KLHDC3: variants seen among roughly 807,000 people sequenced by gnomAD.
KLHDC3 encodes kelch domain containing 3, also known as kelch domain-containing protein 3.
In KLHDC3, 5 loss-of-function variants were observed where a neutral mutation model predicts 44.1. The ratio of observed to expected loss-of-function variants is 0.11; its 90% CI spans 0.06 to 0.24. The LOEUF (loss-of-function observed/expected upper bound fraction) is 0.24, where lower values mean the gene tolerates loss of function less well. Ranked by LOEUF, KLHDC3 falls within the 10% of genes least tolerant of loss-of-function variation. KLHDC3 has a pLI of 1.00. For synonymous variants in KLHDC3, 170 were observed against 189.0 expected, an observed-to-expected ratio of 0.90 and a Z score of 0.82; for missense variants, 247 against 514.3, an observed-to-expected ratio of 0.48 and a Z score of 5.03.
intron 1 of KLHDC3, among the ~76,000 whole-genome samples, chr6:43,015,710 C>T (rs1299094938): frequency 6.6e-6 from 1 of 151,896 alleles, no homozygotes; most frequent in Non-Finnish European, 1.5e-5. Flanking sequence ...ATTAGCTGGG[C>T]ATGGTGGCAG....
rs557437789 is a variant in KLHDC3 at position 43,021,110 on chromosome 6, C to T, written c.*377C>T. 4.2e-6 allele frequency: 2 copies of T among 475,612 alleles called. No individual in the cohort carries two copies. The highest frequency in any genetic ancestry group is 8.3e-6 in the Non-Finnish European group (2 of 240,018). The allele number at this position is 475,612 out of a possible 1,614,324, so 29.5% of individuals were successfully genotyped here. A position where few individuals can be genotyped will look rare whatever the true frequency, so the allele number is the denominator to read the frequency against. On this transcript the variant is annotated 3_prime_UTR_variant, in exon 11 of 11. Transcript: ENST00000326974. The stretch of plus-strand genomic sequence containing the variant: ...CCCTCCCCCTTTGCCTATCCCCTCC[C>T]CTCTGCTTGAGCCTTGAGCCTTGAC...
Position 43,018,207 on chromosome 6 carries a change from C to T in KLHDC3, c.510C>T (p.Ile170=). 1 of 1,608,386 alleles carries T rather than the reference C, an allele frequency of 6.2e-7. No homozygotes were observed. Among genetic ancestry groups the T allele is most frequent in the Non-Finnish European group, 8.5e-7 (1 of 1,174,910 alleles). The part of the protein sequence containing the change: ...LDTSTMTWTL[I]CTKGSPARWR... ...CCAGCACCATGACATGGACTCTTATCTGTACAAAGGTCTGCTCTTTCTTTT... is the reference window on the plus strand; with the variant it reads ...CCAGCACCATGACATGGACTCTTATTTGTACAAAGGTCTGCTCTTTCTTTT... The change falls in exon 5 of 11, where the codon ATC becomes ATT. Residue 170 remains isoleucine (I), a synonymous_variant. Transcript: ENST00000326974. This position sits in a 1 kb window ranked among gnomAD's most constrained non-coding sequence, Gnocchi z 6.0.
rs753331068 is a variant in KLHDC3, at chr6:43,018,846, T to C, written c.821-17T>C. ...GGACTAGGCAGGTATTGAACTTCCA[T>C]ATAAATTTCTCTTCAGTGTCCTTTA... On this transcript the variant is annotated splice_polypyrimidine_tract_variant and intron_variant, in intron 7 of 10. Coordinates refer to ENST00000326974, the MANE Select transcript of KLHDC3 (RefSeq NM_057161.4). This position sits in a 1 kb window ranked among gnomAD's most constrained non-coding sequence, Gnocchi z 6.0. The C allele has an allele frequency of 1.3e-6, 2 of 1,594,340 alleles. No individual in the cohort carries two copies. The highest frequency in any genetic ancestry group is 8.6e-7 in the Non-Finnish European group (1 of 1,164,226).
chr6:43,018,858 T>C lies in KLHDC3; in HGVS notation c.821-5T>C, dbSNP rs916102555. On this transcript the variant is annotated splice_region_variant and splice_polypyrimidine_tract_variant and intron_variant, in intron 7 of 10. Transcript: ENST00000326974. The surrounding 1 kb of genome is among the most constrained non-coding windows in gnomAD (Gnocchi z 6.0). Reference sequence around the variant, plus strand: ...TATTGAACTTCCATATAAATTTCTCTTCAGTGTCCTTTACCTGGAAAAAGA... The same window carrying C: ...TATTGAACTTCCATATAAATTTCTCCTCAGTGTCCTTTACCTGGAAAAAGA... 5.6e-6 allele frequency: 9 copies of C among 1,605,812 alleles called. No homozygotes were observed. Among genetic ancestry groups the C allele is most frequent in the Non-Finnish European group, 7.7e-6 (9 of 1,174,570 alleles).
intron 1 of KLHDC3, chr6:43,014,738 C>T: frequency 2.6e-6 from 1 of 391,034 alleles, no homozygotes; most frequent in South Asian, 1.8e-5. Flanking sequence ...TTTTTCTTTC[C>T]TTAGTGGAGG....
Position 43,017,710 on chromosome 6 carries a change from C to G in KLHDC3, c.331+15C>G, listed in dbSNP as rs370050499. 8 of 1,607,954 alleles carry G rather than the reference C, an allele frequency of 5.0e-6. No individual in the cohort carries two copies. Among genetic ancestry groups the G allele is most frequent in the Non-Finnish European group, 6.8e-6 (8 of 1,175,902 alleles). On this transcript the variant is annotated intron_variant, in intron 3 of 10. Coordinates refer to ENST00000326974, the MANE Select transcript of KLHDC3 (RefSeq NM_057161.4). This position sits in a 1 kb window ranked among gnomAD's most constrained non-coding sequence, Gnocchi z 6.0. ...CTTTGACGTCAGTGAGTATGGATCT[C>G]AGAGAGGCTATGTCCTTCCAGATGT...
chr6:43,015,881 A>C (rs1433672747), intron 1 of KLHDC3, among the ~76,000 whole-genome samples: 2 of 145,624 alleles, frequency 1.4e-5, no homozygotes, highest in Non-Finnish European at 3.0e-5. Flanking sequence ...AAAGACCATG[A>C]CTTCTCATGC....
rs1278818635 is a variant in KLHDC3, at chr6:43,017,322, A to G, written c.130A>G (p.Ile44Val). Reference sequence around the variant, plus strand: ...TGAAGACTATGAGACACTGCGTCAGATAGATGTGCACATTTTCAATGCAGG... The same window carrying G: ...TGAAGACTATGAGACACTGCGTCAGGTAGATGTGCACATTTTCAATGCAGG... Reference protein sequence around the residue: ...SGEDYETLRQIDVHIFNAVSL... With the variant: ...SGEDYETLRQVDVHIFNAVSL... Residue 44 changes from isoleucine (I) to valine (V), a missense_variant, in exon 2 of 11, where the codon ATA becomes GTA. Transcript: ENST00000326974. This position sits in a 1 kb window ranked among gnomAD's most constrained non-coding sequence, Gnocchi z 6.0. 1 of 1,613,914 alleles carries G rather than the reference A, an allele frequency of 6.2e-7. No individual in the cohort carries two copies. The highest frequency in any genetic ancestry group is 8.5e-7 in the Non-Finnish European group (1 of 1,179,852).
chr6:43,018,640 C>T lies in KLHDC3; in HGVS notation c.741C>T (p.Tyr247=). 6.2e-7 allele frequency: 1 copy of T among 1,613,950 alleles called. No homozygotes were observed. Among genetic ancestry groups the T allele is most frequent in the Non-Finnish European group, 8.5e-7 (1 of 1,179,888 alleles). ...EGRRSHSAFG[Y]NGELYIFGGY... ...CTTCCTCTCTCCTTCCAGTTGGCTA[C>T]AATGGGGAGCTGTACATCTTTGGTG... The change falls in exon 7 of 11, where the codon TAC becomes TAT. Residue 247 remains tyrosine (Y), a synonymous_variant. Transcript: ENST00000326974. This position sits in a 1 kb window ranked among gnomAD's most constrained non-coding sequence, Gnocchi z 6.0.
At chr6:43,014,966 C>T (rs999767833) in intron 1 of KLHDC3, among the ~76,000 whole-genome samples, 2 of 152,146 alleles carry the variant, frequency 1.3e-5, no homozygotes, top group South Asian at 2.1e-4. Flanking sequence ...AGCCCCTGAG[C>T]GCCTGGGGGC....
In KLHDC3 at chr6:43,018,291, C is replaced by T. The variant is rs1388119550; in HGVS notation, c.520-52C>T. On this transcript the variant is annotated intron_variant, in intron 5 of 10. Transcript: ENST00000326974. This position sits in a 1 kb window ranked among gnomAD's most constrained non-coding sequence, Gnocchi z 6.0. ...GATAGGAAGCTCAGTCAGAGGAGAT[C>T]CTCTTCCAGTCTTTGTGCTGACCCC... 49 of 1,586,232 alleles carry T rather than the reference C, an allele frequency of 3.1e-5. No homozygotes were observed. The highest frequency in any genetic ancestry group is 3.9e-5 in the Non-Finnish European group (45 of 1,155,424).
Position 43,018,426 on chromosome 6 carries a change from C to G in KLHDC3, c.603C>G (p.Arg201=), listed in dbSNP as rs144981422. The G allele has an allele frequency of 2.2e-4, 358 of 1,614,108 alleles. No individual in the cohort carries two copies. The highest frequency in any genetic ancestry group is 2.7e-4 in the Non-Finnish European group (319 of 1,180,052). Residue 201 remains arginine, a synonymous_variant, in exon 6 of 11, where the codon CGC becomes CGG. Transcript: ENST00000326974. The surrounding 1 kb of genome is among the most constrained non-coding windows in gnomAD (Gnocchi z 6.0). ...HMYVFGGRAD[R]FGPFHSNNEI... is the part of the protein sequence containing the mutation. ...ATGTCTTTGGGGGCCGTGCCGACCG[C>G]TTTGGGCCATTCCATTCCAACAATG...
rs1581872527 is a variant in KLHDC3, at chr6:43,014,255, C to A, written c.-153C>A. On this transcript the variant is annotated 5_prime_UTR_variant, in exon 1 of 11. Coordinates refer to ENST00000326974, the MANE Select transcript of KLHDC3 (RefSeq NM_057161.4). ...AAGAACCGAGCTTGGCTGTGTTTAT[C>A]TCGTTGGGGACTAAGGCGTCGGTTG... 3.0e-6 allele frequency: 3 copies of A among 988,016 alleles called. No individual in the cohort carries two copies. In the South Asian group the frequency reaches 5.3e-5, roughly 18 times the overall value. The allele number at this position is 988,016 out of a possible 1,614,324, so 61.2% of individuals were successfully genotyped here.
At position 43,019,385 on chromosome 6, in the gene KLHDC3, A is replaced by AGGGAGG; in HGVS notation, c.1082+21_1082+26dup. ...ATATCAGGTACAGCGAGTGGTTGGA[A>AGGGAGG]GGGAGGGATTGAGTGAGGGTGAGTG... On this transcript the variant is annotated intron_variant, in intron 10 of 10. Coordinates refer to ENST00000326974, the MANE Select transcript of KLHDC3 (RefSeq NM_057161.4). 2 of 1,577,388 alleles carry AGGGAGG rather than the reference A, an allele frequency of 1.3e-6. No homozygotes were observed. The highest frequency in any genetic ancestry group is 1.7e-6 in the Non-Finnish European group (2 of 1,146,678).
At chr6:43,019,391 G>C (rs1397026786) in intron 10 of KLHDC3, 25 bp downstream of exon 10, 1 of 1,537,914 alleles carries the variant, frequency 6.5e-7, no homozygotes, top group East Asian at 2.2e-5. Context: ...TGGAAGGGAG[G>C]GATTGAGTGA....
At position 43,017,049 on chromosome 6, in the gene KLHDC3, G is replaced by A; in HGVS notation, c.-59-85G>A. The A allele has an allele frequency of 3.2e-6, 3 of 934,066 alleles. No individual in the cohort carries two copies. The highest frequency in any genetic ancestry group is 3.1e-5 in the South Asian group (2 of 64,076). 57.9% of individuals were successfully genotyped at this position (934,066 alleles called of 1,614,324 possible). A position where few individuals can be genotyped will look rare whatever the true frequency, so the allele number is the denominator to read the frequency against. The stretch of plus-strand genomic sequence containing the variant: ...GGGAGGGCCCCCAGGGTGACACTTG[G>A]AGGCAAAGGCTGGTTCTGGGCAGAG... On this transcript the variant is annotated intron_variant, in intron 1 of 10. Coordinates refer to ENST00000326974, the MANE Select transcript of KLHDC3 (RefSeq NM_057161.4). The surrounding 1 kb of genome is among the most constrained non-coding windows in gnomAD (Gnocchi z 6.0).
In KLHDC3 at chr6:43,018,851, A is replaced by C; in HGVS notation, c.821-12A>C. The C allele has an allele frequency of 6.2e-7, 1 of 1,600,814 alleles. No individual in the cohort carries two copies. The highest frequency in any genetic ancestry group is 8.5e-7 in the Non-Finnish European group (1 of 1,170,212). ...AGGCAGGTATTGAACTTCCATATAA[A>C]TTTCTCTTCAGTGTCCTTTACCTGG... On this transcript the variant is annotated splice_polypyrimidine_tract_variant and intron_variant, in intron 7 of 10. Transcript: ENST00000326974. The surrounding 1 kb of genome is among the most constrained non-coding windows in gnomAD (Gnocchi z 6.0).
In KLHDC3 at chr6:43,017,441, T is replaced by C. The variant is rs1762603790; in HGVS notation, c.155-78T>C. On this transcript the variant is annotated intron_variant, in intron 2 of 10. Transcript: ENST00000326974. The surrounding 1 kb of genome is among the most constrained non-coding windows in gnomAD (Gnocchi z 6.0). ...CTGTGGTCTCTGGGACCAAGGGGAT[T>C]GGGGACAAACATCTGGTTTGGGAAA... The C allele has an allele frequency of 6.4e-7, 1 of 1,563,894 alleles. No homozygotes were observed. Among genetic ancestry groups the C allele is most frequent in the East Asian group, 2.3e-5 (1 of 44,416 alleles).
At chr6:43,020,466 T>C (rs1762665029) in intron 10 of KLHDC3, among the ~76,000 whole-genome samples, 2 of 151,804 alleles carry the variant, frequency 1.3e-5, no homozygotes, top group South Asian at 2.1e-4. Context: ...AGCTTGGAGG[T>C]AGAGGAGTGG....
Sources: allele counts gnomAD v4.1 joint callset (sites outside exome capture counted in the v4.1 genomes callset), GRCh38; gene constraint gnomAD v4.1.1; non-coding constraint Gnocchi (gnomAD v3.1); transcripts MANE v1.5; gene names NCBI Gene and HGNC (gene_info 2026-07-23, HGNC 2026-07-21).